SEMA3E: variants seen among roughly 807,000 people sequenced by gnomAD.
SEMA3E encodes semaphorin 3E, also known as semaphorin-3E.
In SEMA3E, 49 loss-of-function variants were observed where a neutral mutation model predicts 93.6. The ratio of observed to expected loss-of-function variants is 0.52; its 90% confidence interval spans 0.42 to 0.66. The LOEUF is 0.66. Among genes scored for constraint, SEMA3E ranks in the 30% least tolerant of loss-of-function variants. The pLI, the probability that SEMA3E is intolerant of heterozygous loss-of-function variation, is 0.00. For synonymous variants in SEMA3E, 363 were observed against 330.7 expected (o/e 1.10, Z -1.06); for missense variants, 906 against 964.8 (o/e 0.94, Z 0.81).
At chr7:83,641,354 AG>A (rs1794006314) in intron 1 of SEMA3E, 12 of 985,002 alleles carry the variant, frequency 1.2e-5, no homozygotes, top group Non-Finnish European at 1.4e-5. Context: ...GGGAAGGCAA[AG>A]TGGGAGACTT....
intron 4 of SEMA3E, among the ~76,000 whole-genome samples, chr7:83,420,609 T>G (rs1788653557): frequency 2.0e-5 from 3 of 152,120 alleles, no homozygotes; most frequent in Non-Finnish European, 4.4e-5. Context: ...CAGCTTGGTA[T>G]TGGTACAAGA....
rs553642163 is a variant in SEMA3E, at chr7:83,648,768, C to G, written c.-226G>C. ...TATAAGCCGGGAGCAAGAGGACATT[C>G]CAAAGAGTGAGTCTTCAGAGCCATG... is the stretch of plus-strand genomic sequence containing the variant. On this transcript the variant is annotated 5_prime_UTR_variant, in exon 1 of 17. Coordinates refer to ENST00000643230, the MANE Select transcript of SEMA3E (RefSeq NM_012431.3). The G allele has an allele frequency of 3.3e-6, 2 of 599,112 alleles. No homozygotes were observed. Among genetic ancestry groups the G allele is most frequent in the African/African-American group, 3.7e-5 (2 of 54,360 alleles). 37.1% of individuals were successfully genotyped at this position (599,112 alleles called of 1,614,324 possible).
intron 2 of SEMA3E, among the ~76,000 whole-genome samples, chr7:83,487,091 T>C (rs944533752): frequency 6.6e-6 from 1 of 152,178 alleles, no homozygotes; most frequent in East Asian, 1.9e-4. Context: ...CATTTCCTCA[T>C]TGAAAGCCCA....
At chr7:83,423,902 C>T (rs1189666492) in intron 4 of SEMA3E, among the ~76,000 whole-genome samples, 3 of 152,000 alleles carry the variant, frequency 2.0e-5, no homozygotes, top group Admixed American at 6.6e-5. Context: ...CTCATGTAAC[C>T]AAATACCACC....
intron 1 of SEMA3E, among the ~76,000 whole-genome samples, chr7:83,577,506 T>C (rs1347244285): frequency 6.6e-6 from 1 of 152,190 alleles, no homozygotes; most frequent in Admixed American, 6.6e-5. Context: ...ATTTCATCAA[T>C]AGTGCATTTA....
intron 1 of SEMA3E, among the ~76,000 whole-genome samples, chr7:83,536,002 T>C (rs938554521): frequency 2.0e-5 from 3 of 152,170 alleles, no homozygotes; most frequent in Non-Finnish European, 4.4e-5. Flanking sequence ...ATGATTTGAT[T>C]TGAATTTGCC....
intron 16 of SEMA3E, among the ~76,000 whole-genome samples, chr7:83,370,797 T>C (rs1174242566): frequency 1.3e-5 from 2 of 152,148 alleles, no homozygotes; most frequent in African/African-American, 4.8e-5. Context: ...TATCTAACAA[T>C]AGTCCTTCAA....
At chr7:83,619,904 C>CAGACAGACAGATAGATAGAT (rs71522672) in intron 1 of SEMA3E, among the ~76,000 whole-genome samples, 233 of 148,142 alleles carry the variant, frequency 1.6e-3, no homozygotes, top group East Asian at 4.8e-3. Flanking sequence ...GATAGATAGA[C>CAGACAGACAGATAGATAGAT]AGATAGATAG....
intron 1 of SEMA3E, among the ~76,000 whole-genome samples, chr7:83,586,978 T>G (rs779192910): frequency 1.3e-5 from 2 of 152,168 alleles, no homozygotes; most frequent in Non-Finnish European, 2.9e-5. Context: ...GATTCTGCAT[T>G]TTGTACATTG....
chr7:83,507,564 G>A (rs534727443), intron 1 of SEMA3E, among the ~76,000 whole-genome samples: 4 of 151,674 alleles, frequency 2.6e-5, no homozygotes, highest in Non-Finnish European at 5.9e-5. Context: ...CAGCAAGCAG[G>A]GGCAAGCAGG....
intron 5 of SEMA3E, 140 bp from the exon 6 acceptor site, chr7:83,408,627 A>T (rs1362838839): frequency 3.7e-5 from 37 of 1,008,402 alleles, no homozygotes; most frequent in Non-Finnish European, 5.5e-5. Flanking sequence ...TGGATGGTAT[A>T]GTAAGACTCC....
chr7:83,629,158 C>G (rs1002582996), intron 1 of SEMA3E, among the ~76,000 whole-genome samples: 1 of 152,190 alleles, frequency 6.6e-6, no homozygotes, highest in Non-Finnish European at 1.5e-5. Context: ...GCAAAGATTA[C>G]TGCCTGCTCC....
chr7:83,465,999 G>T (rs1224163193), intron 4 of SEMA3E, among the ~76,000 whole-genome samples: 1 of 152,132 alleles, frequency 6.6e-6, no homozygotes, highest in African/African-American at 2.4e-5. Flanking sequence ...TCTTAACTCA[G>T]TTTGAAATCT....
intron 1 of SEMA3E, among the ~76,000 whole-genome samples, chr7:83,618,646 T>A (rs550087344): frequency 1.7e-3 from 263 of 152,102 alleles, no homozygotes; most frequent in African/African-American, 6.1e-3. Context: ...AGCTAGTATT[T>A]TTGTTGCTGT....
intron 1 of SEMA3E, among the ~76,000 whole-genome samples, chr7:83,625,006 G>A (rs1409466300): frequency 2.0e-5 from 3 of 152,108 alleles, no homozygotes; most frequent in Non-Finnish European, 4.4e-5. Context: ...GCTTGTTTTT[G>A]TCAGGTTTGT....
At chr7:83,470,923 T>G (rs1789880871) in intron 2 of SEMA3E, among the ~76,000 whole-genome samples, 1 of 148,014 alleles carries the variant, frequency 6.8e-6, no homozygotes, top group African/African-American at 2.5e-5. Flanking sequence ...CAAACTCCCC[T>G]CATACAAGGC....
At chr7:83,443,781 CAACAT>C (rs1003399090) in intron 4 of SEMA3E, among the ~76,000 whole-genome samples, 2 of 151,846 alleles carry the variant, frequency 1.3e-5, no homozygotes, top group African/African-American at 4.8e-5. Flanking sequence ...ATTTAAAAGT[CAACAT>C]AATACTCAAT....
chr7:83,553,192 C>T (rs370480863), intron 1 of SEMA3E, among the ~76,000 whole-genome samples: 4 of 152,166 alleles, frequency 2.6e-5, no homozygotes, highest in African/African-American at 7.2e-5. Context: ...CTTTATTTCT[C>T]GGCCAGCCGA....
chr7:83,408,579 T>C, intron 5 of SEMA3E, 92 bp from the exon 6 acceptor site: 3 of 1,314,680 alleles, frequency 2.3e-6, no homozygotes, highest in East Asian at 2.5e-5. Context: ...ATCTATAATA[T>C]GTACTTTATG....
Sources: gnomAD v4.1 joint callset for allele counts (sites outside exome capture counted in the v4.1 genomes callset) on GRCh38, gnomAD v4.1.1 for gene constraint, MANE v1.5 for transcripts, NCBI Gene and HGNC (gene_info 2026-07-23, HGNC 2026-07-21) for gene names.